The following N4BP3 variants were observed in gnomAD, a reference collection of about 807,000 sequenced individuals.
The protein encoded by N4BP3 is NEDD4-binding protein 3.
A neutral mutation model predicts 43.8 loss-of-function variants in N4BP3; 33 were observed. The ratio of observed to expected loss-of-function variants is 0.75; its 90% CI spans 0.57 to 1.01. The LOEUF (loss-of-function observed/expected upper bound fraction) is 1.01, where lower values mean the gene tolerates loss of function less well. Ranked by LOEUF, N4BP3 falls within the 50% of genes least tolerant of loss-of-function variation. The probability of loss-of-function intolerance (pLI) is 0.00; values close to 1 mark genes in which losing one functional copy is unlikely to be tolerated. For synonymous variants in N4BP3, 326 were observed against 321.9 expected (o/e 1.01, Z -0.14); for missense variants, 756 against 744.2 (o/e 1.02, Z -0.18).
rs1581092120 is a variant in N4BP3 at position 178,120,400 on chromosome 5, G to A, written c.553G>A (p.Glu185Lys). ...CCTAGATGAGGGCGGCCCTGAGCCCGAGCCCAGCCTGTCCGACTCCTCCAG... is the reference window on the plus strand; with the variant it reads ...CCTAGATGAGGGCGGCCCTGAGCCCAAGCCCAGCCTGTCCGACTCCTCCAG... ...LSLDEGGPEP[E>K]PSLSDSSSGG... The change falls in exon 3 of 5, where the codon GAG (glutamate) becomes AAG (lysine). Residue 185 changes from glutamate to lysine, a missense_variant. By Grantham distance (56) the Glu-to-Lys change is moderately conservative. Coordinates refer to ENST00000274605, the MANE Select transcript of N4BP3 (RefSeq NM_015111.2). The A allele has an allele frequency of 6.8e-6, 11 of 1,612,766 alleles. No individual in the cohort carries two copies. The highest frequency in any genetic ancestry group is 1.1e-5 in the South Asian group (1 of 91,092).
In N4BP3 at chr5:178,123,475, A is replaced by C. The variant is rs3812079; in HGVS notation, c.*1474A>C. 108,163 of 152,448 alleles carry C rather than the reference A, an allele frequency of 0.71. 38,693 individuals carry two copies. The highest frequency in any genetic ancestry group is 0.78 in the Middle Eastern group (228 of 292). The allele number at this position is 152,448 out of a possible 1,614,324, so 9.4% of individuals were successfully genotyped here. On this transcript the variant is annotated 3_prime_UTR_variant, in exon 5 of 5. Coordinates refer to ENST00000274605, the MANE Select transcript of N4BP3 (RefSeq NM_015111.2). ...TGAGAAGTTATCTGCAGAGAGCCCC[A>C]CCTCACTCCCTTTGGCTACCCTGGC...
chr5:178,118,656 C>T lies in N4BP3; in HGVS notation c.-30-898C>T, dbSNP rs184233363. On this transcript the variant is annotated intron_variant, in intron 1 of 4. Transcript: ENST00000274605. The surrounding 1 kb of genome is among the most constrained non-coding windows in gnomAD (Gnocchi z 5.4). ...GGGCCCTTCCTGTTTGTATCCCTCCCACTGTAGCCCCCAACCCTCCCCCCC... is the reference window on the plus strand; with the variant it reads ...GGGCCCTTCCTGTTTGTATCCCTCCTACTGTAGCCCCCAACCCTCCCCCCC... Among the ~76,000 whole-genome samples the T allele has an allele frequency of 1.3e-5, 2 of 152,242 alleles. No individual in the cohort carries two copies. Among genetic ancestry groups the T allele is most frequent in the Admixed American group, 6.5e-5 (1 of 15,296 alleles).
rs1467575396 is a variant in N4BP3, at chr5:178,120,714, G to T, written c.852+15G>T. On this transcript the variant is annotated intron_variant, in intron 3 of 4. Coordinates refer to ENST00000274605, the MANE Select transcript of N4BP3 (RefSeq NM_015111.2). ...CCTTCACGCAGGTGAGGGAGCCCCT[G>T]CCCTGGAGTCCTGTTCTGTGCCTCA... The T allele has an allele frequency of 6.4e-7, 1 of 1,565,228 alleles. No individual in the cohort carries two copies. Among genetic ancestry groups the T allele is most frequent in the South Asian group, 1.2e-5 (1 of 85,682 alleles).
chr5:178,121,641 T>A lies in N4BP3; in HGVS notation c.1275T>A (p.Ala425=), dbSNP rs1013226900. 2 of 1,612,520 alleles carry A rather than the reference T, an allele frequency of 1.2e-6. No homozygotes were observed. The highest frequency in any genetic ancestry group is 2.7e-5 in the African/African-American group (2 of 74,916). ...QDAELVRLRE[A]VRSLQEQAPR... ...CAGAGCTGGTCCGGCTGCGCGAGGC[T>A]GTGCGCAGCCTGCAGGAGCAGGCCC... The change falls in exon 5 of 5, where the codon GCT becomes GCA. Residue 425 remains alanine (A), a synonymous_variant. Coordinates refer to ENST00000274605, the MANE Select transcript of N4BP3 (RefSeq NM_015111.2).
rs1181899543 is a variant in N4BP3 at position 178,118,529 on chromosome 5, A to G, written c.-30-1025A>G. Reference sequence around the variant, plus strand: ...GAATAAGAGCATATACAGGGGCTGGAGTGAGTCCAGCTGCCCCTTCCCTCC... The same window carrying G: ...GAATAAGAGCATATACAGGGGCTGGGGTGAGTCCAGCTGCCCCTTCCCTCC... On this transcript the variant is annotated intron_variant, in intron 1 of 4. Transcript: ENST00000274605. This position sits in a 1 kb window ranked among gnomAD's most constrained non-coding sequence, Gnocchi z 5.4. 6.6e-6 allele frequency among the ~76,000 whole-genome samples: 1 copy of G among 152,114 alleles called. No homozygotes were observed. The highest frequency in any genetic ancestry group is 1.5e-5 in the Non-Finnish European group (1 of 68,012).
In N4BP3 at chr5:178,120,637, G is replaced by A. The variant is rs762344622; in HGVS notation, c.790G>A (p.Glu264Lys). ...CGAGGAAATGGGAGCCGTGCTGCCC[G>A]AGACCTGTGAGGAGCTCAAGAGGGG... is the stretch of plus-strand genomic sequence containing the variant. ...SAEEMGAVLP[E>K]TCEELKRGLG... The change falls in exon 3 of 5, where the codon GAG becomes AAG. Residue 264 changes from glutamate (E) to lysine (K), a missense_variant. Physicochemically the swap from Glu to Lys is moderately conservative, Grantham distance 56. Coordinates refer to ENST00000274605, the MANE Select transcript of N4BP3 (RefSeq NM_015111.2). The A allele has an allele frequency of 2.4e-5, 39 of 1,607,250 alleles. No individual in the cohort carries two copies. Among genetic ancestry groups the A allele is most frequent in the African/African-American group, 2.1e-4 (16 of 75,066 alleles).
At position 178,121,953 on chromosome 5, in the gene N4BP3, G is replaced by A; in HGVS notation, c.1587G>A (p.Arg529=). The A allele has an allele frequency of 6.2e-7, 1 of 1,611,076 alleles. No homozygotes were observed. Among genetic ancestry groups the A allele is most frequent in the Non-Finnish European group, 8.5e-7 (1 of 1,179,288 alleles). Residue 529 remains arginine, a synonymous_variant, in exon 5 of 5, where the codon CGG becomes CGA. Transcript: ENST00000274605. The part of the protein sequence containing the change: ...QALEQELRAL[R]EPPTPWSPRL... ...TGGAGCAGGAACTGCGGGCACTGCG[G>A]GAGCCCCCCACACCCTGGAGTCCCC...
At position 178,120,668 on chromosome 5, in the gene N4BP3, G is replaced by A; in HGVS notation, c.821G>A (p.Gly274Asp). ...ETCEELKRGL[G>D]DEDGSNPFTQ... ...TGTGAGGAGCTCAAGAGGGGCCTTG[G>A]CGATGAGGACGGCTCCAACCCCTTC... The change falls in exon 3 of 5, where the codon GGC becomes GAC. Residue 274 changes from glycine (G) to aspartate (D), a missense_variant. By Grantham distance (94) the Gly-to-Asp change is moderately conservative (BLOSUM62 -1). Coordinates refer to ENST00000274605, the MANE Select transcript of N4BP3 (RefSeq NM_015111.2). 1 of 1,601,724 alleles carries A rather than the reference G, an allele frequency of 6.2e-7. No individual in the cohort carries two copies. Among genetic ancestry groups the A allele is most frequent in the African/African-American group, 1.3e-5 (1 of 75,058 alleles).
chr5:178,116,373 G>A (rs1274996440), intron 1 of N4BP3, among the ~76,000 whole-genome samples: 1 of 78,020 alleles, frequency 1.3e-5, no homozygotes, highest in Non-Finnish European at 2.5e-5. Context: ...CGCCCTGCTG[G>A]GGGAGCTGAT....
chr5:178,119,599 G>C lies in N4BP3; in HGVS notation c.16G>C (p.Gly6Arg). ...TTGAAACTTCATGGCCACAGCCCCAGGCCCTGCTGGCATTGCCATGGGCAG... is the reference window on the plus strand; with the variant it reads ...TTGAAACTTCATGGCCACAGCCCCACGCCCTGCTGGCATTGCCATGGGCAG... MATAP[G>R]PAGIAMGSVG... Residue 6 changes from glycine (G) to arginine (R), a missense_variant, in exon 2 of 5, where the codon GGC (glycine) becomes CGC (arginine). By Grantham distance (125) the Gly-to-Arg change is moderately radical (BLOSUM62 -2). Coordinates refer to ENST00000274605, the MANE Select transcript of N4BP3 (RefSeq NM_015111.2). The C allele has an allele frequency of 3.2e-6, 5 of 1,547,570 alleles. No individual in the cohort carries two copies. In the South Asian group the frequency reaches 6.3e-5, roughly 19 times the overall value.
intron 1 of N4BP3, among the ~76,000 whole-genome samples, chr5:178,116,026 T>C (rs1328445988): frequency 2.0e-5 from 3 of 152,138 alleles, no homozygotes; most frequent in Non-Finnish European, 4.4e-5. Flanking sequence ...GGTTTGCCGC[T>C]CCCAGCTCAG....
Position 178,122,293 on chromosome 5 carries a change from A to AGG in N4BP3, c.*294_*295dup. 2.7e-6 allele frequency: 1 copy of AGG among 365,350 alleles called. No individual in the cohort carries two copies. Among genetic ancestry groups the AGG allele is most frequent in the Non-Finnish European group, 5.0e-6 (1 of 201,010 alleles). 22.6% of individuals were successfully genotyped at this position (365,350 alleles called of 1,614,324 possible). On this transcript the variant is annotated 3_prime_UTR_variant, in exon 5 of 5. Transcript: ENST00000274605. ...GGGATCACCAGCCCCAAGGTCCCGAAGGGCAGGTCAGAGGGAGAGAGGCTG... is the reference window on the plus strand; with the variant it reads ...GGGATCACCAGCCCCAAGGTCCCGAAGGGGGCAGGTCAGAGGGAGAGAGGCTG...
In N4BP3 at chr5:178,123,302, T is replaced by C. The variant is rs1757976714; in HGVS notation, c.*1301T>C. On this transcript the variant is annotated 3_prime_UTR_variant, in exon 5 of 5. Transcript: ENST00000274605. ...CATCGTTGGACGGGCTGCCATGCAT[T>C]GCGTGCTTACTGGGCGCCAGGTGCT... The C allele has an allele frequency of 1.3e-5, 2 of 152,514 alleles. No homozygotes were observed. Among genetic ancestry groups the C allele is most frequent in the South Asian group, 4.1e-4 (2 of 4,834 alleles). 9.4% of individuals were successfully genotyped at this position (152,514 alleles called of 1,614,324 possible). A position where few individuals can be genotyped will look rare whatever the true frequency, so the allele number is the denominator to read the frequency against.
In N4BP3 at chr5:178,124,297, C is replaced by T. The variant is rs1758000091; in HGVS notation, c.*2296C>T. On this transcript the variant is annotated 3_prime_UTR_variant, in exon 5 of 5. Coordinates refer to ENST00000274605, the MANE Select transcript of N4BP3 (RefSeq NM_015111.2). ...TGGCAGCTGTGCCAGAAACCAAAGC[C>T]AGGCCCAGATGTAGGGGGAGGGCAC... 2 of 152,884 alleles carry T rather than the reference C, an allele frequency of 1.3e-5. No homozygotes were observed. Among genetic ancestry groups the T allele is most frequent in the African/African-American group, 2.4e-5 (1 of 41,454 alleles). 9.5% of individuals were successfully genotyped at this position (152,884 alleles called of 1,614,324 possible).
In N4BP3 at chr5:178,120,422, C is replaced by T. The variant is rs369739730; in HGVS notation, c.575C>T (p.Ser192Phe). The change falls in exon 3 of 5, where the codon TCC becomes TTC. Residue 192 changes from serine (S) to phenylalanine (F), a missense_variant. Transcript: ENST00000274605. Reference sequence around the variant, plus strand: ...CCCGAGCCCAGCCTGTCCGACTCCTCCAGTGGGGGTAGTTTTGGTCGCAGT... The same window carrying T: ...CCCGAGCCCAGCCTGTCCGACTCCTTCAGTGGGGGTAGTTTTGGTCGCAGT... ...PEPEPSLSDS[S>F]SGGSFGRSPG... The T allele has an allele frequency of 3.7e-6, 6 of 1,612,896 alleles. No individual in the cohort carries two copies. In the African/African-American group the frequency reaches 8.0e-5, roughly 22 times the overall value.
At chr5:178,120,014 G>C in intron 2 of N4BP3, 101 bp downstream of exon 2, 1 of 1,474,456 alleles carries the variant, frequency 6.8e-7, no homozygotes, top group Non-Finnish European at 9.1e-7. Context: ...GCTGAGATAC[G>C]AAAATCGTGC....
At chr5:178,121,402 CCTT>C (rs765376084) in intron 4 of N4BP3, 50 bp downstream of exon 4, 19 of 1,612,308 alleles carry the variant, frequency 1.2e-5, no homozygotes, top group Admixed American at 1.7e-5. Flanking sequence ...ATTGCCGGTC[CCTT>C]CTTCTGCCTG....
chr5:178,121,379 C>T, intron 4 of N4BP3, 27 bp downstream of exon 4: 2 of 1,607,434 alleles, frequency 1.2e-6, no homozygotes, highest in Non-Finnish European at 1.7e-6. Context: ...GGCTCCGAGA[C>T]TCTCCCATCT....
rs1320050723 is a variant in N4BP3 at position 178,119,573 on chromosome 5, G to A, written c.-11G>A. On this transcript the variant is annotated 5_prime_UTR_variant, in exon 2 of 5. Coordinates refer to ENST00000274605, the MANE Select transcript of N4BP3 (RefSeq NM_015111.2). ...TCCCAGAAGCAGCTGCCTGTACCCT[G>A]TTGAAACTTCATGGCCACAGCCCCA... 2 of 1,525,106 alleles carry A rather than the reference G, an allele frequency of 1.3e-6. No individual in the cohort carries two copies. Among genetic ancestry groups the A allele is most frequent in the East Asian group, 2.3e-5 (1 of 44,058 alleles). 94.5% of individuals were successfully genotyped at this position (1,525,106 alleles called of 1,614,324 possible). A position where few individuals can be genotyped will look rare whatever the true frequency, so the allele number is the denominator to read the frequency against.
Sources: allele counts gnomAD v4.1 joint callset (sites outside exome capture counted in the v4.1 genomes callset), GRCh38; gene constraint gnomAD v4.1.1; non-coding constraint Gnocchi (gnomAD v3.1); transcripts MANE v1.5; gene names NCBI Gene and HGNC (gene_info 2026-07-23, HGNC 2026-07-21).